ATF7IP: variants seen among roughly 807,000 people sequenced by gnomAD.
ATF7IP encodes activating transcription factor 7-interacting protein 1.
ATF7IP carries 23 observed loss-of-function variants against 106.4 expected under a neutral mutation model. The observed-to-expected ratio is 0.22, with a 90% confidence interval of 0.16 to 0.31. The LOEUF (loss-of-function observed/expected upper bound fraction) is 0.31. Ranked by LOEUF, ATF7IP falls within the 10% of genes least tolerant of loss-of-function variation. The pLI is 1.00. For synonymous variants in ATF7IP, 542 were observed against 539.0 expected (o/e 1.01, Z -0.08); for missense variants, 1,334 against 1,524.3 (o/e 0.88, Z 2.08).
At chr12:14,439,343 T>TA (rs1178149624) in intron 5 of ATF7IP, among the ~76,000 whole-genome samples, 2 of 152,240 alleles carry the variant, frequency 1.3e-5, no homozygotes, top group Non-Finnish European at 2.9e-5. Context: ...CCGTTACGAA[T>TA]AAAATTTTAG....
At chr12:14,416,827 C>T in intron 1 of ATF7IP, 1 of 819,452 alleles carries the variant, frequency 1.2e-6, no homozygotes, top group Non-Finnish European at 1.5e-6. Context: ...CGGCTTTGAG[C>T]CAATCAGACA....
chr12:14,382,603 ACTT>A (rs1255441394), intron 1 of ATF7IP, among the ~76,000 whole-genome samples: 4 of 152,186 alleles, frequency 2.6e-5, no homozygotes, highest in African/African-American at 9.6e-5. Flanking sequence ...ATATTAGTTG[ACTT>A]CTTCCTAGAA....
chr12:14,457,107 C>A, intron 7 of ATF7IP, 100 bp from the exon 8 acceptor site: 1 of 1,009,560 alleles, frequency 9.9e-7, no homozygotes, highest in Non-Finnish European at 1.5e-6. Context: ...CAAGTCTAGC[C>A]ACCCTTTTTC....
chr12:14,497,265 A>C (rs1591983625), intron 14 of ATF7IP, among the ~76,000 whole-genome samples: 1 of 152,216 alleles, frequency 6.6e-6, no homozygotes, highest in Admixed American at 6.5e-5. Context: ...GTTGCCATAC[A>C]TGATATTTAA....
intron 1 of ATF7IP, among the ~76,000 whole-genome samples, chr12:14,409,829 T>C (rs1325707896): frequency 6.6e-6 from 1 of 152,120 alleles, no homozygotes; most frequent in Non-Finnish European, 1.5e-5. Context: ...GTTCTGTCCA[T>C]GTTGGAAGTG....
At chr12:14,422,579 A>T (rs75974993) in intron 1 of ATF7IP, among the ~76,000 whole-genome samples, 1 of 152,132 alleles carries the variant, frequency 6.6e-6, no homozygotes, top group African/African-American at 2.4e-5. Context: ...TTCCAACCCT[A>T]GGTAGTCACT....
chr12:14,497,448 G>A (rs1293069618), intron 14 of ATF7IP, among the ~76,000 whole-genome samples: 2 of 152,022 alleles, frequency 1.3e-5, no homozygotes, highest in Admixed American at 6.5e-5. Flanking sequence ...AGTATAGTAG[G>A]AATAACCTCA....
chr12:14,371,278 C>T (rs1239737621), intron 1 of ATF7IP, among the ~76,000 whole-genome samples: 1 of 151,768 alleles, frequency 6.6e-6, no homozygotes, highest in African/African-American at 2.4e-5. Context: ...ATATAGAACT[C>T]AAATGATAAA....
intron 1 of ATF7IP, among the ~76,000 whole-genome samples, chr12:14,396,397 T>C (rs935797455): frequency 6.6e-6 from 1 of 152,162 alleles, no homozygotes; most frequent in Non-Finnish European, 1.5e-5. Flanking sequence ...GGGCAGGAAC[T>C]GTTCCTTACT....
At position 14,498,463 on chromosome 12, in the gene ATF7IP, T is replaced by G. The variant is rs1945077741; in HGVS notation, c.*390T>G. 1 of 169,558 alleles carries G rather than the reference T, an allele frequency of 5.9e-6. No individual in the cohort carries two copies. Among genetic ancestry groups the G allele is most frequent in the Non-Finnish European group, 1.3e-5 (1 of 79,466 alleles). The allele number at this position is 169,558 out of a possible 1,614,324, so 10.5% of individuals were successfully genotyped here. A position where few individuals can be genotyped will look rare whatever the true frequency, so the allele number is the denominator to read the frequency against. Reference sequence around the variant, plus strand: ...GATTTGAGATGTGTAACTGGCATGATTCTGCTTTTGAAGGATCTATAGTAT... The same window carrying G: ...GATTTGAGATGTGTAACTGGCATGAGTCTGCTTTTGAAGGATCTATAGTAT... On this transcript the variant is annotated 3_prime_UTR_variant, in exon 15 of 15. Coordinates refer to ENST00000261168, the MANE Select transcript of ATF7IP (RefSeq NM_018179.5).
At position 14,409,635 on chromosome 12, in the gene ATF7IP, T is replaced by C. The variant is rs575703000; in HGVS notation, c.-7-14274T>C. Among the ~76,000 whole-genome samples, 7 of 152,264 alleles carry C rather than the reference T, an allele frequency of 4.6e-5. No homozygotes were observed. The South Asian group carries it at 1.0e-3, about 23-fold the overall frequency. On this transcript the variant is annotated intron_variant, in intron 1 of 14. Coordinates refer to ENST00000261168, the MANE Select transcript of ATF7IP (RefSeq NM_018179.5). ...GCAAGATGAGCATACTGTAGAATTA[T>C]GTACCATTTGGGACAGGGAAAAAGA... is the stretch of plus-strand genomic sequence containing the variant.
At chr12:14,476,764 T>C (rs1456025120) in intron 11 of ATF7IP, among the ~76,000 whole-genome samples, 1 of 152,182 alleles carries the variant, frequency 6.6e-6, no homozygotes, top group African/African-American at 2.4e-5. Flanking sequence ...ATTTCTTTTA[T>C]CTAGCATTAT....
At position 14,425,542 on chromosome 12, in the gene ATF7IP, A is replaced by G. The variant is rs1048132231; in HGVS notation, c.1558+69A>G. The G allele has an allele frequency of 7.8e-6, 11 of 1,410,592 alleles. No individual in the cohort carries two copies. The Admixed American group carries it at 7.9e-5, about 10-fold the overall frequency. 87.4% of individuals were successfully genotyped at this position (1,410,592 alleles called of 1,614,324 possible). On this transcript the variant is annotated intron_variant, in intron 2 of 14. Coordinates refer to ENST00000261168, the MANE Select transcript of ATF7IP (RefSeq NM_018179.5). ...ATGAACTGTTTAATAAAACATTATCATAATGTTTTAAATTTATTTTAGCTG... is the reference window on the plus strand; with the variant it reads ...ATGAACTGTTTAATAAAACATTATCGTAATGTTTTAAATTTATTTTAGCTG...
intron 12 of ATF7IP, 57 bp from the exon 13 acceptor site, chr12:14,480,946 T>C: frequency 1.3e-6 from 2 of 1,501,274 alleles, no homozygotes; most frequent in Non-Finnish European, 1.8e-6. Flanking sequence ...CATTTAATAC[T>C]GTTTGCTTAA....
At chr12:14,377,598 A>G (rs767928810) in intron 1 of ATF7IP, among the ~76,000 whole-genome samples, 2 of 150,622 alleles carry the variant, frequency 1.3e-5, no homozygotes, top group Non-Finnish European at 3.0e-5. Flanking sequence ...CTCGTGAGCC[A>G]CCGCGCCCGG....
intron 4 of ATF7IP, 121 bp from the exon 5 acceptor site, chr12:14,438,009 T>G: frequency 2.3e-6 from 2 of 854,110 alleles, no homozygotes; most frequent in South Asian, 3.9e-5. Context: ...GCCGAGATCC[T>G]GCCACTGCAC....
intron 9 of ATF7IP, among the ~76,000 whole-genome samples, chr12:14,462,876 A>G (rs964761274): frequency 2.0e-5 from 3 of 151,946 alleles, no homozygotes; most frequent in African/African-American, 4.8e-5. Flanking sequence ...TTATATCAAG[A>G]TCTTCATTTC....
intron 13 of ATF7IP, among the ~76,000 whole-genome samples, chr12:14,487,397 G>A (rs1156892973): frequency 1.3e-5 from 2 of 152,142 alleles, no homozygotes; most frequent in Non-Finnish European, 2.9e-5. Flanking sequence ...ACATCTAGAA[G>A]CAAAGAGAGG....
At chr12:14,376,932 AAG>A (rs1343651796) in intron 1 of ATF7IP, among the ~76,000 whole-genome samples, 1 of 152,176 alleles carries the variant, frequency 6.6e-6, no homozygotes, top group Non-Finnish European at 1.5e-5. Context: ...TCTCAAAAAA[AAG>A]AAAAAAGATG....
Sources: allele counts gnomAD v4.1 joint callset (sites outside exome capture counted in the v4.1 genomes callset), GRCh38; gene constraint gnomAD v4.1.1; transcripts MANE v1.5; gene names NCBI Gene and HGNC (gene_info 2026-07-23, HGNC 2026-07-21).